The following ATP2B1 variants were observed in gnomAD, a reference collection of about 807,000 sequenced individuals.
ATP2B1 encodes ATPase plasma membrane Ca2+ transporting 1.
In ATP2B1, 14 loss-of-function variants were observed where a neutral mutation model predicts 124.2. The ratio of observed to expected loss-of-function variants is 0.11; its 90% confidence interval spans 0.07 to 0.18. The LOEUF (loss-of-function observed/expected upper bound fraction) is 0.18. Among genes scored for constraint, ATP2B1 ranks in the 10% least tolerant of loss-of-function variants. The pLI is 1.00. For missense variants in ATP2B1, 763 were observed against 1,466.1 expected, an observed-to-expected ratio of 0.52 and a Z score of 7.83; for synonymous variants, 449 against 492.4, an observed-to-expected ratio of 0.91 and a Z score of 1.17.
At chr12:89,635,297 A>G in intron 3 of ATP2B1, 46 bp from the exon 4 acceptor site, 1 of 1,580,988 alleles carries the variant, frequency 6.3e-7, no homozygotes, top group Non-Finnish European at 8.6e-7. Flanking sequence ...TTCTGAATTG[A>G]TGACAACATA....
At chr12:89,706,643 A>G (rs1892485829) in intron 1 of ATP2B1, among the ~76,000 whole-genome samples, 1 of 152,232 alleles carries the variant, frequency 6.6e-6, no homozygotes, top group Admixed American at 6.5e-5. Context: ...GAGAGAATAC[A>G]GAAAAATGAA....
At chr12:89,681,407 G>A (rs1889336844) in intron 1 of ATP2B1, among the ~76,000 whole-genome samples, 1 of 135,920 alleles carries the variant, frequency 7.4e-6, no homozygotes, top group Non-Finnish European at 1.5e-5. Flanking sequence ...TTGAGACACA[G>A]TCTCACTCTG....
chr12:89,599,240 T>C lies in ATP2B1; in HGVS notation c.3228A>G (p.Thr1076=). The C allele has an allele frequency of 6.2e-7, 1 of 1,614,204 alleles. No homozygotes were observed. Among genetic ancestry groups the C allele is most frequent in the Admixed American group, 1.7e-5 (1 of 60,024 alleles). ...LKFLKEAGHG[T]QKEEIPEEEL... ...CCTCCTCAGGTATTTCTTCCTTTTG[T>C]GTTCCATGACCAGCTTCTTTGAGGA... is the stretch of plus-strand genomic sequence containing the variant. Residue 1076 remains threonine (T), a synonymous_variant, in exon 20 of 21, where the codon ACA becomes ACG. Transcript: ENST00000428670.
intron 11 of ATP2B1, 144 bp from the exon 12 acceptor site, chr12:89,617,183 A>C (rs1879103179): frequency 1.5e-6 from 1 of 668,356 alleles, no homozygotes; most frequent in Admixed American, 2.9e-5. Flanking sequence ...TATAGACTTA[A>C]ATTCACTTTT....
chr12:89,658,820 T>C (rs1199527647), intron 1 of ATP2B1, among the ~76,000 whole-genome samples: 1 of 152,120 alleles, frequency 6.6e-6, no homozygotes, highest in Non-Finnish European at 1.5e-5. Context: ...CACATGAATA[T>C]TAATCATGCT....
intron 1 of ATP2B1, among the ~76,000 whole-genome samples, chr12:89,692,187 A>G (rs772514502): frequency 1.3e-5 from 2 of 152,172 alleles, no homozygotes; most frequent in Non-Finnish European, 2.9e-5. Context: ...TTAAAAAAAA[A>G]AGCAACATGC....
At chr12:89,619,947 C>T in intron 11 of ATP2B1, 52 bp downstream of exon 11, 2 of 1,597,460 alleles carry the variant, frequency 1.3e-6, no homozygotes, top group Non-Finnish European at 1.7e-6. Context: ...AGTAGATACT[C>T]CATAAAGCAA....
In ATP2B1 at chr12:89,590,992, A is replaced by T. The variant is rs1193941893; in HGVS notation, c.3655T>A (p.Ser1219Thr). Residue 1219 changes from serine to threonine, a missense_variant, in exon 21 of 21, where the codon TCA becomes ACA. Transcript: ENST00000428670. ...PGSPLHSLETSL is the reference protein window; with the variant it reads ...PGSPLHSLETTL ...TAACATTCAGCTTACAATCAGAGTG[A>T]TGTTTCCAAACTATGTAGTGGGCTT... The T allele has an allele frequency of 6.2e-7, 1 of 1,611,564 alleles. No individual in the cohort carries two copies. The highest frequency in any genetic ancestry group is 1.1e-5 in the South Asian group (1 of 90,978).
At chr12:89,686,569 G>T (rs901023475) in intron 1 of ATP2B1, among the ~76,000 whole-genome samples, 6 of 152,118 alleles carry the variant, frequency 3.9e-5, no homozygotes, top group Middle Eastern at 6.8e-3. Flanking sequence ...AGCAAAATTT[G>T]TTTTACAGTG....
intron 2 of ATP2B1, 114 bp downstream of exon 2, chr12:89,655,565 T>C (rs1187781359): frequency 1.9e-6 from 2 of 1,026,628 alleles, no homozygotes; most frequent in Non-Finnish European, 2.9e-6. Flanking sequence ...TTAATGTCAC[T>C]ATAATTATGT....
intron 1 of ATP2B1, among the ~76,000 whole-genome samples, chr12:89,662,105 T>C (rs944553500): frequency 6.6e-6 from 1 of 152,020 alleles, no homozygotes; most frequent in Admixed American, 6.5e-5. Context: ...TTGATCTCCA[T>C]ATCTTATCAA....
intron 20 of ATP2B1, among the ~76,000 whole-genome samples, chr12:89,596,099 T>A (rs1025156128): frequency 6.6e-6 from 1 of 152,112 alleles, no homozygotes; most frequent in Non-Finnish European, 1.5e-5. Context: ...ATTGCTTTGA[T>A]ATTTAATATA....
At chr12:89,614,320 C>T (rs916612640) in intron 12 of ATP2B1, among the ~76,000 whole-genome samples, 2 of 152,094 alleles carry the variant, frequency 1.3e-5, no homozygotes, top group South Asian at 4.1e-4. Context: ...GCCTGGGCAA[C>T]ATAGGAAGAC....
At chr12:89,636,537 C>T (rs1224947452) in intron 3 of ATP2B1, among the ~76,000 whole-genome samples, 2 of 152,002 alleles carry the variant, frequency 1.3e-5, no homozygotes, top group Non-Finnish European at 2.9e-5. Context: ...TTCTCTCAAA[C>T]AGACAAAGCA....
At chr12:89,592,412 C>T (rs138806007) in intron 20 of ATP2B1, among the ~76,000 whole-genome samples, 1 of 152,100 alleles carries the variant, frequency 6.6e-6, no homozygotes, top group African/African-American at 2.4e-5. Flanking sequence ...TCTCTTTAGA[C>T]AGCAATAATG....
intron 1 of ATP2B1, among the ~76,000 whole-genome samples, chr12:89,687,745 C>T (rs1199265721): frequency 6.6e-6 from 1 of 151,984 alleles, no homozygotes; most frequent in Non-Finnish European, 1.5e-5. Context: ...ATAAATGCTG[C>T]TTAAACAGCA....
At chr12:89,654,908 C>T (rs928090387) in intron 2 of ATP2B1, among the ~76,000 whole-genome samples, 6 of 152,132 alleles carry the variant, frequency 3.9e-5, no homozygotes, top group African/African-American at 1.4e-4. Context: ...CTTCCCATCC[C>T]TGCCTTTACA....
intron 1 of ATP2B1, among the ~76,000 whole-genome samples, chr12:89,690,483 T>C (rs1465042290): frequency 6.6e-6 from 1 of 151,952 alleles, no homozygotes; most frequent in Non-Finnish European, 1.5e-5. Context: ...AAGTGTCTTG[T>C]AATACAGGAT....
In ATP2B1 at chr12:89,599,258, T is replaced by C; in HGVS notation, c.3210A>G (p.Lys1070=). ...TIPTSRLKFL[K]EAGHGTQKEE... Reference sequence around the variant, plus strand: ...CCTTTTGTGTTCCATGACCAGCTTCTTTGAGGAATTTTAAACGGCTAGTTG... The same window carrying C: ...CCTTTTGTGTTCCATGACCAGCTTCCTTGAGGAATTTTAAACGGCTAGTTG... The change falls in exon 20 of 21, where the codon AAA becomes AAG. Residue 1070 remains lysine, a synonymous_variant. Coordinates refer to ENST00000428670, the MANE Select transcript of ATP2B1 (RefSeq NM_001366521.1). 2 of 1,614,168 alleles carry C rather than the reference T, an allele frequency of 1.2e-6. No individual in the cohort carries two copies. The highest frequency in any genetic ancestry group is 8.5e-7 in the Non-Finnish European group (1 of 1,180,004).
Sources: gnomAD v4.1 joint callset for allele counts (sites outside exome capture counted in the v4.1 genomes callset) on GRCh38, gnomAD v4.1.1 for gene constraint, MANE v1.5 for transcripts, NCBI Gene and HGNC (gene_info 2026-07-23, HGNC 2026-07-21) for gene names.